Variants in ZNF236 observed in about 807,000 individuals in gnomAD.
The protein encoded by ZNF236 is regulated by glucose.
In ZNF236, 50 loss-of-function variants were observed where a neutral mutation model predicts 191.2. The ratio of observed to expected loss-of-function variants is 0.26; its 90% CI spans 0.21 to 0.33. ZNF236 has a LOEUF of 0.33. ZNF236 is among the 10% of genes least tolerant of loss of function. The probability of loss-of-function intolerance (pLI) is 1.00; values close to 1 mark genes in which losing one functional copy is unlikely to be tolerated. For synonymous variants in ZNF236, 907 were observed against 928.8 expected (o/e 0.98, Z 0.43); for missense variants, 1,754 against 2,374.5 (o/e 0.74, Z 5.43).
At position 76,915,647 on chromosome 18, in the gene ZNF236, G is replaced by C; in HGVS notation, c.3062G>C (p.Gly1021Ala). 1 of 1,613,560 alleles carries C rather than the reference G, an allele frequency of 6.2e-7. No individual in the cohort carries two copies. ...VLKSHEKTHT[G>A]VKAFSCSVCN... The stretch of plus-strand genomic sequence containing the variant: ...GTTTTTTCTGTTTCTGTGCTTGCAG[G>C]AGTGAAGGCGTTCAGCTGCAGTGTG... The change falls in exon 19 of 31, where the codon GGA becomes GCA. Residue 1021 changes from glycine (G) to alanine (A), a missense_variant and splice_region_variant. Physicochemically the swap from Gly to Ala is moderately conservative, Grantham distance 60 (BLOSUM62 0). Around this residue, in one of 5 missense-constraint regions of ZNF236, gnomAD observed 641 missense variants for 869.6 expected, o/e 0.74. Transcript: ENST00000320610.
In ZNF236 at chr18:76,881,487, AAAG is replaced by A. The variant is rs766061118; in HGVS notation, c.1399_1401del (p.Lys467del). On this transcript the variant is annotated inframe_deletion, in exon 9 of 31. Coordinates refer to ENST00000320610, the MANE Select transcript of ZNF236 (RefSeq NM_001306089.2). ...TGGATAAAAAAGAAAAAAAAATGAT[AAAG>A]AAGAAGTCACCGTTTCTACCTGGTA... The A allele has an allele frequency of 8.7e-6, 14 of 1,612,448 alleles. No homozygotes were observed. Among genetic ancestry groups the A allele is most frequent in the Non-Finnish European group, 1.1e-5 (13 of 1,179,592 alleles).
intron 13 of ZNF236, among the ~76,000 whole-genome samples, chr18:76,905,956 G>A (rs1977729172): frequency 6.6e-6 from 1 of 152,188 alleles, no homozygotes; most frequent in African/African-American, 2.4e-5. Context: ...TTTCTGACTA[G>A]TGCTGGGGCC....
intron 25 of ZNF236, among the ~76,000 whole-genome samples, chr18:76,932,117 G>T (rs373338253): frequency 7.9e-5 from 12 of 152,158 alleles, no homozygotes; most frequent in Non-Finnish European, 1.3e-4. Context: ...GACATTTTTT[G>T]AAGAATCCAC....
chr18:76,929,672 T>C (rs1351142704), intron 25 of ZNF236, among the ~76,000 whole-genome samples: 3 of 152,260 alleles, frequency 2.0e-5, no homozygotes, highest in African/African-American at 7.2e-5. Context: ...AATGAGTTAA[T>C]GAAATAAGTT....
chr18:76,962,808 T>G (rs1355250190), intron 30 of ZNF236, among the ~76,000 whole-genome samples: 1 of 151,996 alleles, frequency 6.6e-6, no homozygotes, highest in Non-Finnish European at 1.5e-5. Flanking sequence ...TTTTTTTTTG[T>G]TTGTTTGTTT....
chr18:76,933,814 G>A (rs1025623370), intron 25 of ZNF236, among the ~76,000 whole-genome samples: 1 of 152,102 alleles, frequency 6.6e-6, no homozygotes, highest in Non-Finnish European at 1.5e-5. Context: ...TTTTAGAGTG[G>A]CTTGCACATC....
At chr18:76,885,882 A>G (rs754415688) in intron 9 of ZNF236, 1 of 152,216 alleles carries the variant, frequency 6.6e-6, no homozygotes, top group Non-Finnish European at 1.5e-5. Context: ...GCTGATGAGA[A>G]TATCTGTAAA....
intron 1 of ZNF236, among the ~76,000 whole-genome samples, chr18:76,842,424 T>C (rs1183824223): frequency 6.8e-6 from 1 of 147,440 alleles, no homozygotes; most frequent in East Asian, 2.0e-4. Flanking sequence ...GCATCTCTGC[T>C]CCACCCCCCT....
intron 3 of ZNF236, 75 bp from the exon 4 acceptor site, chr18:76,868,610 C>G (rs775930816): frequency 4.7e-6 from 6 of 1,263,536 alleles, no homozygotes; most frequent in Non-Finnish European, 6.5e-6. Context: ...GTGTATTAAC[C>G]GTTGATCATA....
Position 76,875,020 on chromosome 18 carries a change from G to A in ZNF236, c.668-472G>A, listed in dbSNP as rs1418990116. 6.6e-6 allele frequency among the ~76,000 whole-genome samples: 1 copy of A among 152,206 alleles called. No individual in the cohort carries two copies. The highest frequency in any genetic ancestry group is 1.9e-4 in the East Asian group (1 of 5,188). On this transcript the variant is annotated intron_variant, in intron 5 of 30. Transcript: ENST00000320610. The surrounding 1 kb of genome is among the most constrained non-coding windows in gnomAD (Gnocchi z 4.3). The stretch of plus-strand genomic sequence containing the variant: ...CATTTTGTCTGTTGTTTTGAGAGCA[G>A]CCTAGGAAGGGGCCAGGGTGGAAGC...
chr18:76,853,153 A>C (rs958273929), intron 3 of ZNF236, among the ~76,000 whole-genome samples: 1 of 151,334 alleles, frequency 6.6e-6, no homozygotes, highest in African/African-American at 2.4e-5. Flanking sequence ...ATCTTAACTC[A>C]CTTCAACCTC....
chr18:76,865,712 T>G (rs1976387104), intron 3 of ZNF236, among the ~76,000 whole-genome samples: 1 of 152,168 alleles, frequency 6.6e-6, no homozygotes, highest in Non-Finnish European at 1.5e-5. Flanking sequence ...GAAATAGGAC[T>G]AAAATTGCTT....
At chr18:76,932,427 C>CATAAAAA (rs1967880527) in intron 25 of ZNF236, among the ~76,000 whole-genome samples, 2 of 152,282 alleles carry the variant, frequency 1.3e-5, no homozygotes, top group Admixed American at 1.3e-4. Context: ...TTCTAAAACT[C>CATAAAAA]ATAGTTTGTG....
rs777750617 is a variant in ZNF236 at position 76,919,836 on chromosome 18, C to G, written c.3335C>G (p.Pro1112Arg). Reference sequence around the variant, plus strand: ...AGAAATGCATCACGGAAGTCTCGTCCTGAGGTCATCACTTTCACGGAGGAG... The same window carrying G: ...AGAAATGCATCACGGAAGTCTCGTCGTGAGGTCATCACTTTCACGGAGGAG... The part of the protein sequence containing the change: ...SDRNASRKSR[P>R]EVITFTEEET... Residue 1112 changes from proline to arginine, a missense_variant, in exon 20 of 31, where the codon CCT becomes CGT. Pro to Arg is a moderately radical substitution (Grantham distance 103). This residue lies in a region of ZNF236 where 641 missense variants were observed against 869.6 expected (regional missense o/e 0.74). Coordinates refer to ENST00000320610, the MANE Select transcript of ZNF236 (RefSeq NM_001306089.2). This position sits in a 1 kb window ranked among gnomAD's most constrained non-coding sequence, Gnocchi z 5.3. The G allele has an allele frequency of 3.1e-6, 5 of 1,614,076 alleles. No homozygotes were observed. Among genetic ancestry groups the G allele is most frequent in the African/African-American group, 2.7e-5 (2 of 74,926 alleles).
At position 76,908,452 on chromosome 18, in the gene ZNF236, G is replaced by T. The variant is rs759371892; in HGVS notation, c.2430G>T (p.Thr810=). 3.1e-6 allele frequency: 5 copies of T among 1,613,864 alleles called. No homozygotes were observed. The highest frequency in any genetic ancestry group is 3.3e-5 in the Admixed American group (2 of 59,996). The change falls in exon 14 of 31, where the codon ACG becomes ACT. Residue 810 remains threonine (T), a synonymous_variant. Coordinates refer to ENST00000320610, the MANE Select transcript of ZNF236 (RefSeq NM_001306089.2). ...TCGAGAGCGACGAGCTGCCGCAGAC[G>T]GCAGAGGTGGTCGCAGCGAACCCCG... ...VEIESDELPQ[T]AEVVAANPEA... is the part of the protein sequence containing the mutation.
chr18:76,935,355 G>A (rs1462799094), intron 25 of ZNF236, among the ~76,000 whole-genome samples: 1 of 152,194 alleles, frequency 6.6e-6, no homozygotes, highest in African/African-American at 2.4e-5. Context: ...GTCTGAAGTT[G>A]TTTATTATTT....
rs774541178 is a variant in ZNF236, at chr18:76,937,248, G to T, written c.4687G>T (p.Val1563Leu). Residue 1563 changes from valine to leucine, a missense_variant, in exon 26 of 31, where the codon GTG becomes TTG. Val to Leu is a conservative substitution (Grantham distance 32). Transcript: ENST00000320610. Reference protein sequence around the residue: ...TQNLVMSSSGVGGDASVTLTL... With the variant: ...TQNLVMSSSGLGGDASVTLTL... The stretch of plus-strand genomic sequence containing the variant: ...GAACCTGGTCATGTCCTCGTCGGGC[G>T]TGGGAGGTGACGCTAGTGTCACGCT... 2 of 1,614,106 alleles carry T rather than the reference G, an allele frequency of 1.2e-6. No homozygotes were observed. Among genetic ancestry groups the T allele is most frequent in the Non-Finnish European group, 1.7e-6 (2 of 1,180,018 alleles).
chr18:76,830,636 T>TAA (rs994315416), intron 1 of ZNF236, among the ~76,000 whole-genome samples: 1 of 148,330 alleles, frequency 6.7e-6, no homozygotes, highest in Non-Finnish European at 1.5e-5. Flanking sequence ...CTGGTGGAGT[T>TAA]AAAAAAAAAA....
At chr18:76,912,601 T>G (rs1327861398) in intron 17 of ZNF236, among the ~76,000 whole-genome samples, 1 of 152,232 alleles carries the variant, frequency 6.6e-6, no homozygotes, top group Non-Finnish European at 1.5e-5. Flanking sequence ...TGAAGTACTC[T>G]GCTGCAGCTT....
Sources: gnomAD v4.1 joint callset for allele counts (sites outside exome capture counted in the v4.1 genomes callset) on GRCh38, gnomAD v4.1.1 for gene constraint, gnomAD v4.1.1 regional missense constraint, Gnocchi (gnomAD v3.1) non-coding constraint, MANE v1.5 for transcripts, NCBI Gene and HGNC (gene_info 2026-07-23, HGNC 2026-07-21) for gene names.